TBC1D23: variants seen among roughly 807,000 people sequenced by gnomAD.
TBC1D23 encodes the protein TBC1 domain family member 23, also known as HCV non-structural protein 4A-transactivated protein 1.
TBC1D23 carries 55 observed loss-of-function variants against 91.4 expected under a neutral mutation model. That is an observed-to-expected ratio of 0.60 (90% confidence interval 0.48 to 0.75). TBC1D23 has a LOEUF of 0.75. Ranked by LOEUF, TBC1D23 falls within the 30% of genes least tolerant of loss-of-function variation. TBC1D23 has a pLI of 0.00. For synonymous variants in TBC1D23, 289 were observed against 281.0 expected, an observed-to-expected ratio of 1.03 and a Z score of -0.28; for missense variants, 725 against 836.1, an observed-to-expected ratio of 0.87 and a Z score of 1.64.
rs748344333 is a variant in TBC1D23 at position 100,323,692 on chromosome 3, G to C, written c.*24G>C. On this transcript the variant is annotated 3_prime_UTR_variant, in exon 19 of 19. Transcript: ENST00000394144. Reference sequence around the variant, plus strand: ...AATATAAAAGAAAATTATATAAAAAGAAATTAAGACAACCAAGAGAAACAT... The same window carrying C: ...AATATAAAAGAAAATTATATAAAAACAAATTAAGACAACCAAGAGAAACAT... The C allele has an allele frequency of 1.6e-6, 2 of 1,289,022 alleles. No individual in the cohort carries two copies. The highest frequency in any genetic ancestry group is 2.1e-6 in the Non-Finnish European group (2 of 952,940). 79.8% of individuals were successfully genotyped at this position (1,289,022 alleles called of 1,614,324 possible).
Position 100,302,080 on chromosome 3 carries a change from C to T in TBC1D23, c.1106C>T (p.Pro369Leu). The T allele has an allele frequency of 9.3e-6, 15 of 1,610,316 alleles. No individual in the cohort carries two copies. Among genetic ancestry groups the T allele is most frequent in the Non-Finnish European group, 1.2e-5 (14 of 1,178,434 alleles). Residue 369 changes from proline (P) to leucine (L), a missense_variant, in exon 11 of 19, where the codon CCA becomes CTA. Physicochemically the swap from Pro to Leu is moderately conservative, Grantham distance 98 (BLOSUM62 -3). Coordinates refer to ENST00000394144, the MANE Select transcript of TBC1D23 (RefSeq NM_001199198.3). Reference protein sequence around the residue: ...HLDSDLMLQNPSEFAQSVKSL... With the variant: ...HLDSDLMLQNLSEFAQSVKSL... ...AAAATTGTCTAGATGCTTCAGAATC[C>T]ATCTGAGTTTGCACAGTCAGTAAAA...
chr3:100,308,901 A>G (rs1705567049), intron 13 of TBC1D23, among the ~76,000 whole-genome samples: 1 of 152,260 alleles, frequency 6.6e-6, no homozygotes, highest in Non-Finnish European at 1.5e-5. Flanking sequence ...AGGAAGGTAT[A>G]TATGAGCAAT....
chr3:100,266,129 G>C (rs1288304786), intron 1 of TBC1D23, among the ~76,000 whole-genome samples: 2 of 152,110 alleles, frequency 1.3e-5, no homozygotes, highest in East Asian at 3.8e-4. Flanking sequence ...TTCATTTTTT[G>C]AATTGGGGTT....
At chr3:100,282,184 C>T (rs774117077) in intron 3 of TBC1D23, among the ~76,000 whole-genome samples, 6 of 152,036 alleles carry the variant, frequency 3.9e-5, no homozygotes, top group Admixed American at 6.5e-5. Context: ...TGGTGGTGGG[C>T]GCCTGTAGTC....
chr3:100,311,910 CATCCTTTTCCTTTAAT>C, intron 15 of TBC1D23, 33 bp downstream of exon 15: 1 of 1,452,710 alleles, frequency 6.9e-7, no homozygotes, highest in South Asian at 1.2e-5. Flanking sequence ...TTTCTTGAAC[CATCCTTTTCCTTTAAT>C]ATGCTTCATG....
At chr3:100,317,422 G>A (rs574583781) in intron 16 of TBC1D23, among the ~76,000 whole-genome samples, 10 of 152,094 alleles carry the variant, frequency 6.6e-5, no homozygotes, top group Non-Finnish European at 1.5e-4. Context: ...GGTTTTCCAG[G>A]TTTTTTGTTT....
chr3:100,266,789 A>C (rs1419505308), intron 1 of TBC1D23, among the ~76,000 whole-genome samples: 1 of 152,236 alleles, frequency 6.6e-6, no homozygotes, highest in Non-Finnish European at 1.5e-5. Flanking sequence ...ATACTGTAAT[A>C]TGCAGCCAAC....
intron 11 of TBC1D23, 131 bp from the exon 12 acceptor site, chr3:100,304,715 T>C: frequency 1.6e-6 from 1 of 632,970 alleles, no homozygotes; most frequent in Non-Finnish European, 2.8e-6. Flanking sequence ...AAGTCCAAAA[T>C]GTCAAGGAAA....
At chr3:100,308,205 G>C (rs1035989047) in intron 13 of TBC1D23, among the ~76,000 whole-genome samples, 23 of 152,246 alleles carry the variant, frequency 1.5e-4, no homozygotes, top group African/African-American at 5.5e-4. Context: ...GCCGGGCACA[G>C]TGGCTCACGC....
At chr3:100,276,697 A>G (rs772706405) in intron 1 of TBC1D23, among the ~76,000 whole-genome samples, 1 of 152,216 alleles carries the variant, frequency 6.6e-6, no homozygotes, top group Non-Finnish European at 1.5e-5. Flanking sequence ...TGATTTTACC[A>G]CACAACATCA....
At chr3:100,268,900 T>C (rs567424577) in intron 1 of TBC1D23, among the ~76,000 whole-genome samples, 7 of 152,344 alleles carry the variant, frequency 4.6e-5, no homozygotes, top group South Asian at 4.1e-4. Context: ...CAAAATCTTA[T>C]AGCAAATGCA....
At chr3:100,271,961 G>T (rs1057344269) in intron 1 of TBC1D23, among the ~76,000 whole-genome samples, 2 of 152,146 alleles carry the variant, frequency 1.3e-5, no homozygotes, top group Non-Finnish European at 2.9e-5. Context: ...CAAGACAGAG[G>T]ACATAAAGTG....
chr3:100,319,412 T>C (rs551667262), intron 17 of TBC1D23, among the ~76,000 whole-genome samples: 1 of 151,294 alleles, frequency 6.6e-6, no homozygotes, highest in East Asian at 2.0e-4. Context: ...GAATAGTACA[T>C]TGAACACCCT....
At chr3:100,321,242 T>C (rs760756213) in intron 18 of TBC1D23, among the ~76,000 whole-genome samples, 4 of 152,244 alleles carry the variant, frequency 2.6e-5, no homozygotes, top group Non-Finnish European at 5.9e-5. Flanking sequence ...GCTGCACTAA[T>C]TGCTGGCTTG....
intron 11 of TBC1D23, among the ~76,000 whole-genome samples, chr3:100,303,576 C>G (rs1044059924): frequency 6.6e-6 from 1 of 151,992 alleles, no homozygotes; most frequent in Non-Finnish European, 1.5e-5. Flanking sequence ...TTCAAGACCA[C>G]CCTGGGCAAC....
rs1391537510 is a variant in TBC1D23 at position 100,306,553 on chromosome 3, T to C, written c.1413+10T>C. On this transcript the variant is annotated intron_variant, in intron 13 of 18. Coordinates refer to ENST00000394144, the MANE Select transcript of TBC1D23 (RefSeq NM_001199198.3). ...TATCAATTCTGTTGATGTAAGTATA[T>C]GTAGAGAATATGTTACCGGATTTGG... 1.3e-6 allele frequency: 2 copies of C among 1,499,362 alleles called. No homozygotes were observed. The highest frequency in any genetic ancestry group is 2.3e-5 in the South Asian group (2 of 87,584). The allele number at this position is 1,499,362 out of a possible 1,614,324, so 92.9% of individuals were successfully genotyped here. A position where few individuals can be genotyped will look rare whatever the true frequency, so the allele number is the denominator to read the frequency against.
intron 4 of TBC1D23, among the ~76,000 whole-genome samples, chr3:100,287,184 C>T (rs1161564798): frequency 1.3e-5 from 2 of 152,096 alleles, no homozygotes; most frequent in Non-Finnish European, 2.9e-5. Flanking sequence ...TTGATCTCGG[C>T]TCACTGCCAC....
chr3:100,306,320 A>T, intron 12 of TBC1D23, 117 bp from the exon 13 acceptor site: 67 of 435,452 alleles, frequency 1.5e-4, no homozygotes, highest in Non-Finnish European at 2.5e-4. Flanking sequence ...ACCTGTGATT[A>T]TTTCCTTCAG....
intron 18 of TBC1D23, among the ~76,000 whole-genome samples, chr3:100,322,769 CT>C (rs900270649): frequency 1.0e-3 from 149 of 146,536 alleles, no homozygotes; most frequent in African/African-American, 2.5e-3. Context: ...GGATCAACAT[CT>C]TTTTTTTTTT....
Sources: gnomAD v4.1 joint callset for allele counts (sites outside exome capture counted in the v4.1 genomes callset) on GRCh38, gnomAD v4.1.1 for gene constraint, MANE v1.5 for transcripts, NCBI Gene and HGNC (gene_info 2026-07-23, HGNC 2026-07-21) for gene names.